Variants in PDE4B observed in about 807,000 individuals in gnomAD.
PDE4B encodes the protein phosphodiesterase 4B.
In PDE4B, 20 loss-of-function variants were observed where a neutral mutation model predicts 82.2. The observed-to-expected ratio is 0.24, with a 90% confidence interval of 0.17 to 0.35. PDE4B has a LOEUF of 0.35. Ranked by LOEUF, PDE4B falls within the 10% of genes least tolerant of loss-of-function variation. The probability of loss-of-function intolerance (pLI) is 1.00; values close to 1 mark genes in which losing one functional copy is unlikely to be tolerated. For synonymous variants in PDE4B, 320 were observed against 318.9 expected (o/e 1.00, Z -0.04); for missense variants, 655 against 907.2 (o/e 0.72, Z 3.57).
intron 7 of PDE4B, among the ~76,000 whole-genome samples, chr1:66,330,018 T>A (rs1659996471): frequency 6.6e-6 from 1 of 152,234 alleles, no homozygotes; most frequent in African/African-American, 2.4e-5. Flanking sequence ...TTTCTTTGAT[T>A]GCATTCATAG....
In PDE4B at chr1:66,372,811, G is replaced by A; in HGVS notation, c.*133G>A. 1.2e-6 allele frequency: 1 copy of A among 845,842 alleles called. No individual in the cohort carries two copies. Among genetic ancestry groups the A allele is most frequent in the Non-Finnish European group, 1.8e-6 (1 of 553,616 alleles). The allele number at this position is 845,842 out of a possible 1,614,324, so 52.4% of individuals were successfully genotyped here. On this transcript the variant is annotated 3_prime_UTR_variant, in exon 17 of 17. Coordinates refer to ENST00000341517, the MANE Select transcript of PDE4B (RefSeq NM_002600.4). ...CTGGCCTTTCAGTTACTTGAGTTTG[G>A]AGTCAGAAAGCAAGACCAGGAAGCA... is the stretch of plus-strand genomic sequence containing the variant.
chr1:66,049,048 C>T (rs1259324828), intron 3 of PDE4B, among the ~76,000 whole-genome samples: 1 of 151,944 alleles, frequency 6.6e-6, no homozygotes, highest in Non-Finnish European at 1.5e-5. Flanking sequence ...TAGCACATCT[C>T]CATATCTTAT....
At chr1:66,123,793 C>T (rs1162357815) in intron 3 of PDE4B, among the ~76,000 whole-genome samples, 1 of 152,190 alleles carries the variant, frequency 6.6e-6, no homozygotes, top group Non-Finnish European at 1.5e-5. Context: ...TGAATTTACT[C>T]ACAGTACTTG....
rs117228046 is a variant in PDE4B at position 66,207,294 on chromosome 1, T to G, written c.282-40166T>G. Among the ~76,000 whole-genome samples, 1,946 of 152,332 alleles carry G rather than the reference T, an allele frequency of 0.013. 91 individuals are homozygous for G. In the East Asian group the frequency reaches 0.15, roughly 12 times the overall value. On this transcript the variant is annotated intron_variant, in intron 3 of 16. Transcript: ENST00000341517. ...ATGATATTGTTATAATATTCATTAA[T>G]TAAAACTCACTAGCAAGATTAAAGC...
chr1:65,855,992 C>G (rs932939483), intron 1 of PDE4B, among the ~76,000 whole-genome samples: 1 of 152,024 alleles, frequency 6.6e-6, no homozygotes. Flanking sequence ...CAGTGGGAGA[C>G]TACATGTGGG....
chr1:65,897,971 C>G (rs1646929333), intron 1 of PDE4B, among the ~76,000 whole-genome samples: 1 of 151,934 alleles, frequency 6.6e-6, no homozygotes, highest in Admixed American at 6.6e-5. Context: ...TAAGCCTTCC[C>G]TTTTCTCTAC....
intron 7 of PDE4B, among the ~76,000 whole-genome samples, chr1:66,276,821 G>A (rs991473967): frequency 2.6e-5 from 4 of 152,156 alleles, no homozygotes; most frequent in Non-Finnish European, 4.4e-5. Flanking sequence ...ATGAAGGAAA[G>A]TACAGAATGC....
At chr1:66,304,201 A>G (rs1658107799) in intron 7 of PDE4B, among the ~76,000 whole-genome samples, 1 of 152,126 alleles carries the variant, frequency 6.6e-6, no homozygotes, top group South Asian at 2.1e-4. Context: ...CAAAATTTTA[A>G]AGGGCTTGTA....
chr1:66,041,799 TAC>T (rs376075112), intron 3 of PDE4B, among the ~76,000 whole-genome samples: 15 of 139,134 alleles, frequency 1.1e-4, no homozygotes, highest in African/African-American at 2.6e-4. Context: ...TGCTTTGAAA[TAC>T]ACACACACAC....
intron 1 of PDE4B, among the ~76,000 whole-genome samples, chr1:65,834,816 T>C (rs1023838611): frequency 6.6e-6 from 1 of 152,140 alleles, no homozygotes; most frequent in Non-Finnish European, 1.5e-5. Context: ...CCAAAATCAA[T>C]AGAGAAGCCA....
chr1:65,993,100 A>C (rs1171506316), intron 3 of PDE4B: 1 of 1,613,614 alleles, frequency 6.2e-7, no homozygotes, highest in East Asian at 2.2e-5. Flanking sequence ...CTGGTGAATA[A>C]AAGCATTCGG....
intron 3 of PDE4B, among the ~76,000 whole-genome samples, chr1:66,109,773 A>G (rs1475123028): frequency 1.3e-5 from 2 of 151,792 alleles, no homozygotes; most frequent in Non-Finnish European, 2.9e-5. Context: ...TAGTGATTGG[A>G]CTTCTAATGT....
intron 3 of PDE4B, among the ~76,000 whole-genome samples, chr1:66,086,180 C>A (rs1230718290): frequency 6.6e-6 from 1 of 152,114 alleles, no homozygotes; most frequent in Non-Finnish European, 1.5e-5. Flanking sequence ...AACACCCCAT[C>A]CCATGTTTAT....
chr1:66,220,515 T>C (rs1428581978), intron 3 of PDE4B, among the ~76,000 whole-genome samples: 1 of 152,164 alleles, frequency 6.6e-6, no homozygotes, highest in East Asian at 1.9e-4. Flanking sequence ...TGTATGCTGC[T>C]TGCAAGCTGA....
At chr1:66,288,365 C>A (rs1206002624) in intron 7 of PDE4B, among the ~76,000 whole-genome samples, 2 of 152,138 alleles carry the variant, frequency 1.3e-5, no homozygotes, top group African/African-American at 4.8e-5. Context: ...ACCTCCAACA[C>A]TGAGGATTAC....
chr1:65,958,124 A>G (rs2100588930), intron 3 of PDE4B, among the ~76,000 whole-genome samples: 1 of 152,222 alleles, frequency 6.6e-6, no homozygotes, highest in South Asian at 2.1e-4. Flanking sequence ...GGCTTTTTAT[A>G]GATGCATTTG....
intron 1 of PDE4B, among the ~76,000 whole-genome samples, chr1:65,824,943 A>G (rs1039879488): frequency 1.1e-4 from 17 of 152,174 alleles, no homozygotes; most frequent in Non-Finnish European, 2.4e-4. Flanking sequence ...TACATTAAAC[A>G]CAATCTATCT....
intron 9 of PDE4B, among the ~76,000 whole-genome samples, chr1:66,356,777 A>T (rs1339330848): frequency 6.6e-6 from 1 of 152,200 alleles, no homozygotes; most frequent in Non-Finnish European, 1.5e-5. Context: ...GTGGATGGTC[A>T]CCAGACGTGA....
At chr1:65,855,815 C>A (rs1646385950) in intron 1 of PDE4B, among the ~76,000 whole-genome samples, 1 of 152,082 alleles carries the variant, frequency 6.6e-6, no homozygotes, top group Non-Finnish European at 1.5e-5. Context: ...TGCTTGGGAT[C>A]TATTTTCCCT....
Sources: gnomAD v4.1 joint callset for allele counts (sites outside exome capture counted in the v4.1 genomes callset) on GRCh38, gnomAD v4.1.1 for gene constraint, MANE v1.5 for transcripts, NCBI Gene and HGNC (gene_info 2026-07-23, HGNC 2026-07-21) for gene names.